The following ESR2 variants were observed in gnomAD, a reference collection of about 807,000 sequenced individuals.
The protein encoded by ESR2 is estrogen receptor 2, also known as estrogen receptor beta.
ESR2 carries 36 observed loss-of-function variants against 49.6 expected under a neutral mutation model. The ratio of observed to expected loss-of-function variants is 0.73; its 90% CI spans 0.56 to 0.96. The LOEUF (loss-of-function observed/expected upper bound fraction) is 0.96, where lower values mean the gene tolerates loss of function less well. Among genes scored for constraint, ESR2 ranks in the 40% least tolerant of loss-of-function variants. The pLI, the probability that ESR2 is intolerant of heterozygous loss-of-function variation, is 0.00. For missense variants in ESR2, 714 were observed against 693.0 expected (o/e 1.03, Z -0.34); for synonymous variants, 320 against 266.1 (o/e 1.20, Z -1.97).
In ESR2 at chr14:64,230,794, T is replaced by C. The variant is rs1478618179; in HGVS notation, c.*2343A>G. ...CTGCCCACTCGAGGCTCTAAAGGGA[T>C]TGCCATTGCCAGTTCACTCCCAGGA... On this transcript the variant is annotated 3_prime_UTR_variant, in exon 9 of 9. Transcript: ENST00000341099. The C allele has an allele frequency of 6.6e-6, 1 of 150,908 alleles. No individual in the cohort carries two copies. Among genetic ancestry groups the C allele is most frequent in the African/African-American group, 2.4e-5 (1 of 41,010 alleles). 9.3% of individuals were successfully genotyped at this position (150,908 alleles called of 1,614,324 possible).
In ESR2 at chr14:64,282,989, TTGAGA is replaced by T; in HGVS notation, c.-9_-5del. On this transcript the variant is annotated 5_prime_UTR_variant, in exon 2 of 9. An upstream open reading frame in the 5' UTR gains an earlier in-frame stop. Transcript: ENST00000341099. ...ATGGTGAGTTTTTTATATCCATGTCTTGAGATAACAGCTGAGAAAACACCTTGCAA... is the reference window on the plus strand; with the variant it reads ...ATGGTGAGTTTTTTATATCCATGTCTTAACAGCTGAGAAAACACCTTGCAA... The T allele has an allele frequency of 6.2e-7, 1 of 1,608,798 alleles. No individual in the cohort carries two copies. Among genetic ancestry groups the T allele is most frequent in the Non-Finnish European group, 8.5e-7 (1 of 1,176,766 alleles).
intron 1 of ESR2, among the ~76,000 whole-genome samples, chr14:64,307,977 CTCTTTT>C (rs1283249362): frequency 1.1e-4 from 17 of 151,866 alleles, no homozygotes; most frequent in South Asian, 2.1e-4. Flanking sequence ...GTTTAACTTA[CTCTTTT>C]TCTAATTTCG....
downstream of ESR2, chr14:64,228,167 G>A (rs1225018447): frequency 9.1e-6 from 7 of 769,892 alleles, no homozygotes; most frequent in Non-Finnish European, 1.3e-5. Context: ...AAGCATTTGT[G>A]TTCAGGTGCC....
At chr14:64,304,035 G>C (rs1219870965) in intron 1 of ESR2, among the ~76,000 whole-genome samples, 2 of 152,208 alleles carry the variant, frequency 1.3e-5, no homozygotes, top group Non-Finnish European at 2.9e-5. Context: ...GGTTTTGGCC[G>C]GGCATGGTGG....
At chr14:64,246,363 T>C (rs1281589604) in intron 7 of ESR2, among the ~76,000 whole-genome samples, 1 of 152,076 alleles carries the variant, frequency 6.6e-6, no homozygotes, top group Non-Finnish European at 1.5e-5. Context: ...TCTTCTGCCT[T>C]TGCTTGGGAC....
intron 6 of ESR2, among the ~76,000 whole-genome samples, chr14:64,253,928 T>C (rs1367383305): frequency 6.6e-6 from 1 of 152,162 alleles, no homozygotes; most frequent in East Asian, 1.9e-4. Flanking sequence ...CAAAAATGTC[T>C]TTGCATATGT....
chr14:64,325,041 T>G (rs1596495566), intron 1 of ESR2, among the ~76,000 whole-genome samples: 1 of 152,200 alleles, frequency 6.6e-6, no homozygotes, highest in African/African-American at 2.4e-5. Context: ...GTAGGATATA[T>G]TCTGGTTTTA....
intron 1 of ESR2, among the ~76,000 whole-genome samples, chr14:64,292,645 T>C (rs1030123825): frequency 3.3e-5 from 5 of 152,216 alleles, no homozygotes; most frequent in Non-Finnish European, 7.3e-5. Flanking sequence ...TATCCATATT[T>C]ATATTCTATA....
intron 1 of ESR2, among the ~76,000 whole-genome samples, chr14:64,305,029 G>A (rs1596476920): frequency 6.6e-6 from 1 of 152,270 alleles, no homozygotes; most frequent in South Asian, 2.1e-4. Context: ...GGTGGCTCAC[G>A]CCTGTAATCC....
rs985877696 is a variant in ESR2, at chr14:64,229,248, C to A, written c.*3889G>T. ...GCAGAAGACAACCCTAACTTCACCG[C>A]CCCTCCATTCTGCTGCGACTCAGCT... On this transcript the variant is annotated 3_prime_UTR_variant, in exon 9 of 9. Transcript: ENST00000341099. Among the ~76,000 whole-genome samples the A allele has an allele frequency of 6.6e-6, 1 of 152,126 alleles. No homozygotes were observed. The highest frequency in any genetic ancestry group is 2.4e-5 in the African/African-American group (1 of 41,426).
chr14:64,336,936 C>T (rs1175738537), intron 1 of ESR2, among the ~76,000 whole-genome samples: 3 of 152,108 alleles, frequency 2.0e-5, no homozygotes, highest in African/African-American at 7.2e-5. Flanking sequence ...CCATTCCTTG[C>T]CCTTTTAATT....
At chr14:64,280,490 C>A (rs1173263787) in intron 2 of ESR2, among the ~76,000 whole-genome samples, 1 of 152,128 alleles carries the variant, frequency 6.6e-6, no homozygotes, top group African/African-American at 2.4e-5. Context: ...GTGGCCAGAT[C>A]AAATCTTACC....
At chr14:64,228,142 T>C, downstream of ESR2, 1 of 1,006,992 alleles carries the variant, frequency 9.9e-7, no homozygotes, top group Non-Finnish European at 1.3e-6. Context: ...TCTTAACTCT[T>C]CTGAAATTGT....
intron 1 of ESR2, among the ~76,000 whole-genome samples, chr14:64,299,457 G>A (rs2076998017): frequency 6.9e-6 from 1 of 144,566 alleles, no homozygotes; most frequent in Admixed American, 7.1e-5. Context: ...CTAGAGTGCA[G>A]TGGCACAATC....
chr14:64,318,749 T>C (rs984412876), intron 1 of ESR2, among the ~76,000 whole-genome samples: 5 of 149,404 alleles, frequency 3.3e-5, no homozygotes, highest in Admixed American at 6.7e-5. Flanking sequence ...AAGAAAAAAT[T>C]TTAAATTAGC....
chr14:64,274,286 T>G (rs1003588172), intron 3 of ESR2, among the ~76,000 whole-genome samples: 3 of 152,152 alleles, frequency 2.0e-5, no homozygotes, highest in African/African-American at 7.2e-5. Context: ...ATCTTGTTAC[T>G]TGTTACTGGT....
chr14:64,235,168 G>C lies in ESR2; in HGVS notation c.1226-18C>G. ...GTACATACCTGGACAAAGAATAAAA[G>C]CCAGAAGTCATTGCTCTGAGCAAAG... On this transcript the variant is annotated intron_variant, in intron 7 of 8. Coordinates refer to ENST00000341099, the MANE Select transcript of ESR2 (RefSeq NM_001437.3). 6.2e-7 allele frequency: 1 copy of C among 1,604,838 alleles called. No individual in the cohort carries two copies. The highest frequency in any genetic ancestry group is 2.2e-5 in the East Asian group (1 of 44,632).
rs2098728359 is a variant in ESR2, at chr14:64,232,672, T to C, written c.*465A>G. On this transcript the variant is annotated 3_prime_UTR_variant, in exon 9 of 9. Coordinates refer to ENST00000341099, the MANE Select transcript of ESR2 (RefSeq NM_001437.3). ...GCCACAGGGGTTTTCAATCTTACAA[T>C]GGAGTGGTCCGGAAAACAGCAAAGG... 1 of 157,172 alleles carries C rather than the reference T, an allele frequency of 6.4e-6. No individual in the cohort carries two copies. Among genetic ancestry groups the C allele is most frequent in the Non-Finnish European group, 1.4e-5 (1 of 70,882 alleles). 9.7% of individuals were successfully genotyped at this position (157,172 alleles called of 1,614,324 possible). A position where few individuals can be genotyped will look rare whatever the true frequency, so the allele number is the denominator to read the frequency against.
Position 64,230,722 on chromosome 14 carries a change from C to G in ESR2, c.*2415G>C, listed in dbSNP as rs964761771. Reference sequence around the variant, plus strand: ...GGTGCTGTGAGAACAGAGCGAGATTCGGTGAGAATAGCTCAGCTGGAAACT... The same window carrying G: ...GGTGCTGTGAGAACAGAGCGAGATTGGGTGAGAATAGCTCAGCTGGAAACT... On this transcript the variant is annotated 3_prime_UTR_variant, in exon 9 of 9. Transcript: ENST00000341099. Among the ~76,000 whole-genome samples, 1 of 151,710 alleles carries G rather than the reference C, an allele frequency of 6.6e-6. No individual in the cohort carries two copies.
Sources: allele counts gnomAD v4.1 joint callset (sites outside exome capture counted in the v4.1 genomes callset), GRCh38; gene constraint gnomAD v4.1.1; transcripts MANE v1.5; gene names NCBI Gene and HGNC (gene_info 2026-07-23, HGNC 2026-07-21).